Variants in DNAH6 observed in about 807,000 individuals in gnomAD.
DNAH6 encodes the protein axonemal beta dynein heavy chain 6.
DNAH6 carries 340 observed loss-of-function variants against 491.4 expected under a neutral mutation model. The ratio of observed to expected loss-of-function variants is 0.69; its 90% CI spans 0.63 to 0.76. DNAH6 has a LOEUF of 0.76. Among genes scored for constraint, DNAH6 ranks in the 30% least tolerant of loss-of-function variants. DNAH6 has a pLI of 0.00. For synonymous variants in DNAH6, 1,603 were observed against 1,686.1 expected (o/e 0.95, Z 1.21); for missense variants, 4,443 against 4,972.2 (o/e 0.89, Z 3.20).
intron 61 of DNAH6, among the ~76,000 whole-genome samples, chr2:84,730,323 CA>C: frequency 6.6e-6 from 1 of 152,336 alleles, no homozygotes; most frequent in Admixed American, 6.5e-5. Flanking sequence ...CACAAAGCCT[CA>C]AGCATCTGCA....
intron 34 of DNAH6, 103 bp from the exon 35 acceptor site, chr2:84,654,557 A>G (rs1359361137): frequency 1.4e-6 from 2 of 1,432,970 alleles, no homozygotes; most frequent in East Asian, 5.1e-5. Flanking sequence ...CAGTGTTGTT[A>G]GACTTTAAAA....
At chr2:84,557,967 ATAT>A (rs750989016) in intron 11 of DNAH6, 32 bp downstream of exon 11, 21 of 1,365,086 alleles carry the variant, frequency 1.5e-5, no homozygotes, top group Non-Finnish European at 2.0e-5. Flanking sequence ...CTATTCTATA[ATAT>A]TCTCAATTTT....
chr2:84,505,993 A>C, the DNAH6 span, among the ~76,000 whole-genome samples: 2 of 152,182 alleles, frequency 1.3e-5, no homozygotes, highest in South Asian at 2.1e-4. Context: ...AGTCTTTGCT[A>C]TTGTGAATAG....
Position 84,621,316 on chromosome 2 carries a change from A to G in DNAH6, c.3918A>G (p.Lys1306=). Residue 1306 remains lysine, a synonymous_variant, in exon 25 of 77, where the codon AAA becomes AAG. Coordinates refer to ENST00000389394, the MANE Select transcript of DNAH6 (RefSeq NM_001370.2). ...CTGCCATCGCTGACTATCAGGGGAA[A>G]CTGAGGACAGACTGGGTGGTTGCTG... is the stretch of plus-strand genomic sequence containing the variant. ...CKAAIADYQG[K]LRTDWVVAGH... is the part of the protein sequence containing the mutation. 1 of 1,551,570 alleles carries G rather than the reference A, an allele frequency of 6.4e-7. No individual in the cohort carries two copies. The highest frequency in any genetic ancestry group is 2.4e-5 in the East Asian group (1 of 40,924).
chr2:84,537,159 A>C (rs921520114), intron 4 of DNAH6, among the ~76,000 whole-genome samples: 7 of 152,024 alleles, frequency 4.6e-5, no homozygotes, highest in African/African-American at 1.7e-4. Context: ...GTGTACCCTC[A>C]ATAACCTAAA....
intron 24 of DNAH6, 36 bp downstream of exon 24, chr2:84,619,940 A>G (rs1410215432): frequency 1.3e-6 from 2 of 1,488,228 alleles, no homozygotes; most frequent in East Asian, 2.5e-5. Context: ...TTATTGATGA[A>G]CTTTGCTACT....
chr2:84,814,934 A>G (rs1424624321), intron 75 of DNAH6, among the ~76,000 whole-genome samples: 1 of 152,260 alleles, frequency 6.6e-6, no homozygotes, highest in Admixed American at 6.5e-5. Flanking sequence ...TGACCAGCAC[A>G]TATACTGGTC....
At chr2:84,744,296 C>T (rs1473938019) in intron 62 of DNAH6, among the ~76,000 whole-genome samples, 4 of 152,316 alleles carry the variant, frequency 2.6e-5, no homozygotes, top group East Asian at 3.9e-4. Flanking sequence ...GGAGAACACA[C>T]TAGTTATTTT....
chr2:84,687,270 T>G (rs1042033959), intron 44 of DNAH6, among the ~76,000 whole-genome samples: 1 of 152,210 alleles, frequency 6.6e-6, no homozygotes, highest in African/African-American at 2.4e-5. Flanking sequence ...CATGTTGTTT[T>G]ACTAAGGTGC....
the DNAH6 span, among the ~76,000 whole-genome samples, chr2:84,483,325 A>C: frequency 6.6e-6 from 1 of 151,938 alleles, no homozygotes; most frequent in Non-Finnish European, 1.5e-5. Flanking sequence ...GCATTTGGCA[A>C]CTCCCTGCTT....
chr2:84,737,949 C>T (rs1194485087), intron 62 of DNAH6, among the ~76,000 whole-genome samples: 1 of 151,918 alleles, frequency 6.6e-6, no homozygotes, highest in African/African-American at 2.4e-5. Flanking sequence ...TTTCTAACTT[C>T]TCGATGTCAT....
intron 6 of DNAH6, 25 bp downstream of exon 6, chr2:84,547,427 C>G: frequency 6.4e-7 from 1 of 1,551,422 alleles, no homozygotes; most frequent in Non-Finnish European, 8.7e-7. Context: ...CTATAAGAAT[C>G]AAAGCTTTTT....
In DNAH6 at chr2:84,686,489, C is replaced by T. The variant is rs564422986; in HGVS notation, c.7069C>T (p.His2357Tyr). ...TGGTTTTGTTCTTTAAATAGACAAA[C>T]ATTTTGGAATTGCAATTGACCTGGA... ...HVILTEMANK[H>Y]FGIAIDLEYF... Residue 2357 changes from histidine (H) to tyrosine (Y), a missense_variant, in exon 44 of 77, where the codon CAT becomes TAT. His to Tyr is a moderately conservative substitution (Grantham distance 83). Transcript: ENST00000389394. 4.6e-6 allele frequency: 7 copies of T among 1,522,630 alleles called. No individual in the cohort carries two copies. In the African/African-American group the frequency reaches 8.3e-5, roughly 18 times the overall value. The allele number at this position is 1,522,630 out of a possible 1,614,324, so 94.3% of individuals were successfully genotyped here.
rs868555107 is a variant in DNAH6 at position 84,727,679 on chromosome 2, C to A, written c.9983C>A (p.Thr3328Asn). ...CTCTCTTTCACACAGTTGTTCAATA[C>A]CACCATTGAAACTTCTGTAAAGACA... The part of the protein sequence containing the change: ...SLKYFKQLFN[T>N]TIETSVKTEN... Residue 3328 changes from threonine (T) to asparagine (N), a missense_variant, in exon 61 of 77, where the codon ACC (threonine) becomes AAC (asparagine). By Grantham distance (65) the Thr-to-Asn change is moderately conservative (BLOSUM62 0). This residue lies in a region of DNAH6 where 1,463 missense variants were observed against 1,656.6 expected (regional missense o/e 0.88). Coordinates refer to ENST00000389394, the MANE Select transcript of DNAH6 (RefSeq NM_001370.2). 6.5e-7 allele frequency: 1 copy of A among 1,543,394 alleles called. No individual in the cohort carries two copies. The highest frequency in any genetic ancestry group is 8.8e-7 in the Non-Finnish European group (1 of 1,139,518).
chr2:84,563,992 G>T (rs1680921047), intron 11 of DNAH6, among the ~76,000 whole-genome samples: 1 of 152,156 alleles, frequency 6.6e-6, no homozygotes, highest in Non-Finnish European at 1.5e-5. Flanking sequence ...CTTTGTCAAA[G>T]ATTAGATGGT....
At chr2:84,671,030 G>A (rs1692690309) in intron 39 of DNAH6, among the ~76,000 whole-genome samples, 1 of 152,132 alleles carries the variant, frequency 6.6e-6, no homozygotes, top group South Asian at 2.1e-4. Flanking sequence ...AGCCAGGTTT[G>A]TGGCTCCAGG....
At chr2:84,630,496 G>A (rs73945842) in intron 29 of DNAH6, among the ~76,000 whole-genome samples, 1,735 of 152,164 alleles carry the variant, frequency 0.011, 32 homozygotes, top group African/African-American at 0.04. Context: ...AACACCACAA[G>A]AATACAATCA....
chr2:84,739,652 T>C (rs1454355366), intron 62 of DNAH6, among the ~76,000 whole-genome samples: 2 of 152,208 alleles, frequency 1.3e-5, no homozygotes, highest in Non-Finnish European at 2.9e-5. Context: ...AGGCTTCCAT[T>C]TGTATTTTGA....
intron 70 of DNAH6, among the ~76,000 whole-genome samples, chr2:84,804,139 G>A (rs550822059): frequency 4.8e-5 from 7 of 145,890 alleles, no homozygotes; most frequent in Non-Finnish European, 1.0e-4. Context: ...CTGGGAGGCA[G>A]AGGTTGCAGT....
Sources: gnomAD v4.1 joint callset for allele counts (sites outside exome capture counted in the v4.1 genomes callset) on GRCh38, gnomAD v4.1.1 for gene constraint, gnomAD v4.1.1 regional missense constraint, MANE v1.5 for transcripts, NCBI Gene and HGNC (gene_info 2026-07-23, HGNC 2026-07-21) for gene names.